CEACAM16: variants seen among roughly 807,000 people sequenced by gnomAD.
CEACAM16 encodes CEA cell adhesion molecule 16, tectorial membrane component.
A neutral mutation model predicts 39.4 loss-of-function variants in CEACAM16; 30 were observed. The ratio of observed to expected loss-of-function variants is 0.76; its 90% CI spans 0.57 to 1.03. The LOEUF (loss-of-function observed/expected upper bound fraction) is 1.03, where lower values mean the gene tolerates loss of function less well. Ranked by LOEUF, CEACAM16 falls within the 50% of genes least tolerant of loss-of-function variation. CEACAM16 has a pLI of 0.00. For missense variants in CEACAM16, 521 were observed against 585.3 expected, an observed-to-expected ratio of 0.89 and a Z score of 1.13; for synonymous variants, 262 against 264.9, an observed-to-expected ratio of 0.99 and a Z score of 0.11.
intron 1 of CEACAM16, among the ~76,000 whole-genome samples, chr19:44,699,666 T>C (rs1351640119): frequency 2.0e-5 from 3 of 152,008 alleles, no homozygotes. Context: ...CATGAGCCAC[T>C]GCGTCCGGCC....
rs370134847 is a variant in CEACAM16 at position 44,708,264 on chromosome 19, A to G, written c.1267+77A>G. The G allele has an allele frequency of 3.3e-4, 454 of 1,370,020 alleles. 15 individuals carry two copies. In the South Asian group the frequency reaches 6.5e-3, roughly 19 times the overall value. 84.9% of individuals were successfully genotyped at this position (1,370,020 alleles called of 1,614,324 possible). On this transcript the variant is annotated intron_variant, in intron 6 of 6. Coordinates refer to ENST00000587331, the MANE Select transcript of CEACAM16 (RefSeq NM_001039213.4). ...AAAAGGAGCCTTTGCTTCCTCCATC[A>G]GGCTGGGGGGACATAGACCAAAGAT...
At chr19:44,705,359 A>G (rs1380446339) in intron 4 of CEACAM16, among the ~76,000 whole-genome samples, 1 of 152,186 alleles carries the variant, frequency 6.6e-6, no homozygotes, top group Non-Finnish European at 1.5e-5. Flanking sequence ...ATACCTTGAA[A>G]TATTATCTTG....
Position 44,701,471 on chromosome 19 carries a change from G to A in CEACAM16, c.15G>A (p.Gly5=), listed in dbSNP as rs781172010. 13 of 1,566,206 alleles carry A rather than the reference G, an allele frequency of 8.3e-6. No homozygotes were observed. The South Asian group carries it at 1.1e-4, about 13-fold the overall frequency. ...TGGGGTGAAAGATGGCGCTGACTGG[G>A]TACAGCTGGCTGCTCCTCAGTGGTG... is the stretch of plus-strand genomic sequence containing the variant. MALT[G]YSWLLLSATF... Residue 5 remains glycine, a synonymous_variant, in exon 2 of 7, where the codon GGG becomes GGA. Transcript: ENST00000587331. This position sits in a 1 kb window ranked among gnomAD's most constrained non-coding sequence, Gnocchi z 4.0.
At chr19:44,705,421 T>C (rs907123767) in intron 4 of CEACAM16, among the ~76,000 whole-genome samples, 169 bp from the exon 5 acceptor site, 1 of 151,948 alleles carries the variant, frequency 6.6e-6, no homozygotes, top group Non-Finnish European at 1.5e-5. Flanking sequence ...TTAGAGGGAG[T>C]GATTCTCAAG....
intron 6 of CEACAM16, among the ~76,000 whole-genome samples, chr19:44,709,326 T>C (rs1415216427): frequency 3.3e-5 from 5 of 149,312 alleles, no homozygotes; most frequent in Middle Eastern, 3.6e-3. Context: ...TCCATCAGAC[T>C]GGGAGCTCCC....
intron 2 of CEACAM16, among the ~76,000 whole-genome samples, chr19:44,702,084 G>A (rs1974356395): frequency 6.6e-6 from 1 of 152,112 alleles, no homozygotes; most frequent in Admixed American, 6.5e-5. Context: ...CCTGAGGTCA[G>A]GAGTTCAAGA....
Position 44,703,376 on chromosome 19 carries a change from T to A in CEACAM16, c.65T>A (p.Ile22Asn). ...ACATTCCTGAATGTGGGGGCCGAGA[T>A]CTCTATCACCCTGGAGCCTGCCCAG... ...SATFLNVGAE[I>N]SITLEPAQPS... Residue 22 changes from isoleucine (I) to asparagine (N), a missense_variant, in exon 3 of 7, where the codon ATC (isoleucine) becomes AAC (asparagine). Transcript: ENST00000587331. 1 of 1,610,706 alleles carries A rather than the reference T, an allele frequency of 6.2e-7. No homozygotes were observed. The highest frequency in any genetic ancestry group is 8.5e-7 in the Non-Finnish European group (1 of 1,177,464).
Position 44,701,320 on chromosome 19 carries a change from C to T in CEACAM16, c.-96-41C>T. The T allele has an allele frequency of 1.1e-6, 1 of 942,042 alleles. No individual in the cohort carries two copies. Among genetic ancestry groups the T allele is most frequent in the East Asian group, 2.6e-5 (1 of 38,140 alleles). The allele number at this position is 942,042 out of a possible 1,614,324, so 58.4% of individuals were successfully genotyped here. A position where few individuals can be genotyped will look rare whatever the true frequency, so the allele number is the denominator to read the frequency against. ...CTTGGTGACTCGATCCCTCCAAATT[C>T]AGGTGATCTCCCCTGGCTCCAAATC... On this transcript the variant is annotated intron_variant, in intron 1 of 6. Transcript: ENST00000587331. This position sits in a 1 kb window ranked among gnomAD's most constrained non-coding sequence, Gnocchi z 4.0.
In CEACAM16 at chr19:44,707,979, G is replaced by A. The variant is rs748843201; in HGVS notation, c.1059G>A (p.Gly353=). ...KDLLVYAWYR[G]PASEPNRLLS... ...TGCTGGTCTACGCCTGGTACCGCGG[G>A]CCTGCCTCCGAGCCCAACCGGCTGC... The change falls in exon 6 of 7, where the codon GGG becomes GGA. Residue 353 remains glycine, a synonymous_variant. Transcript: ENST00000587331. The A allele has an allele frequency of 6.2e-7, 1 of 1,604,730 alleles. No homozygotes were observed. The highest frequency in any genetic ancestry group is 8.5e-7 in the Non-Finnish European group (1 of 1,176,162).
intron 6 of CEACAM16, among the ~76,000 whole-genome samples, chr19:44,709,036 AGCTCCCAGAGTCAAGAT>A (rs1974494562): frequency 6.6e-6 from 1 of 151,964 alleles, no homozygotes; most frequent in South Asian, 2.1e-4. Flanking sequence ...TCAGACTAGG[AGCTCCCAGAGTCAAGAT>A]CCAGGTCTCC....
At chr19:44,703,298 G>A in intron 2 of CEACAM16, 51 bp from the exon 3 acceptor site, 2 of 1,509,834 alleles carry the variant, frequency 1.3e-6, no homozygotes, top group Non-Finnish European at 1.8e-6. Flanking sequence ...TGTCAAATGG[G>A]GCGATTGATC....
At position 44,703,495 on chromosome 19, in the gene CEACAM16, T is replaced by A. The variant is rs571532172; in HGVS notation, c.184T>A (p.Ser62Thr). The A allele has an allele frequency of 1.2e-6, 2 of 1,613,768 alleles. No homozygotes were observed. The highest frequency in any genetic ancestry group is 3.3e-5 in the Admixed American group (2 of 60,014). ...GTATGCGGGGCCCACACTCAGCGTG[T>A]CATACCTGGTGGCCAGCTACATCGT... ...SWYAGPTLSV[S>T]YLVASYIVST... The change falls in exon 3 of 7, where the codon TCA (serine) becomes ACA (threonine). Residue 62 changes from serine (S) to threonine (T), a missense_variant. Coordinates refer to ENST00000587331, the MANE Select transcript of CEACAM16 (RefSeq NM_001039213.4).
In CEACAM16 at chr19:44,701,239, G is replaced by T; in HGVS notation, c.-96-122G>T. On this transcript the variant is annotated intron_variant, in intron 1 of 6. Coordinates refer to ENST00000587331, the MANE Select transcript of CEACAM16 (RefSeq NM_001039213.4). This position sits in a 1 kb window ranked among gnomAD's most constrained non-coding sequence, Gnocchi z 4.0. Reference sequence around the variant, plus strand: ...GCCCCAGGAGGCCTGCCCAGGTCACGGCCTCTGGCCGGTGCCCGCCACACC... The same window carrying T: ...GCCCCAGGAGGCCTGCCCAGGTCACTGCCTCTGGCCGGTGCCCGCCACACC... 1 of 633,532 alleles carries T rather than the reference G, an allele frequency of 1.6e-6. No homozygotes were observed. The highest frequency in any genetic ancestry group is 2.8e-6 in the Non-Finnish European group (1 of 353,540). The allele number at this position is 633,532 out of a possible 1,614,324, so 39.2% of individuals were successfully genotyped here. A position where few individuals can be genotyped will look rare whatever the true frequency, so the allele number is the denominator to read the frequency against.
intron 6 of CEACAM16, among the ~76,000 whole-genome samples, chr19:44,709,551 T>G (rs10403037): frequency 2.6e-4 from 27 of 102,692 alleles, no homozygotes; most frequent in Admixed American, 6.2e-4. Context: ...GCTCCCAGAG[T>G]CAGGGTCTAT....
Position 44,704,039 on chromosome 19 carries a change from T to C in CEACAM16, c.404T>C (p.Val135Ala). ...QVHEILAQPT[V>A]LANSTALVER... Reference sequence around the variant, plus strand: ...ACAGAGATCCTGGCCCAGCCCACAGTCTTGGCCAACAGCACAGCGCTGGTG... The same window carrying C: ...ACAGAGATCCTGGCCCAGCCCACAGCCTTGGCCAACAGCACAGCGCTGGTG... Residue 135 changes from valine (V) to alanine (A), a missense_variant, in exon 4 of 7, where the codon GTC (valine) becomes GCC (alanine). By Grantham distance (64) the Val-to-Ala change is moderately conservative (BLOSUM62 0). Coordinates refer to ENST00000587331, the MANE Select transcript of CEACAM16 (RefSeq NM_001039213.4). 1 of 1,603,612 alleles carries C rather than the reference T, an allele frequency of 6.2e-7. No individual in the cohort carries two copies. Among genetic ancestry groups the C allele is most frequent in the Non-Finnish European group, 8.5e-7 (1 of 1,173,726 alleles).
intron 1 of CEACAM16, among the ~76,000 whole-genome samples, chr19:44,699,998 A>C (rs1385602590): frequency 6.9e-6 from 1 of 144,208 alleles, no homozygotes; most frequent in Non-Finnish European, 1.5e-5. Context: ...GCTAACTTTT[A>C]TTTTTTGTTT....
In CEACAM16 at chr19:44,701,450, G is replaced by A; in HGVS notation, c.-7G>A. On this transcript the variant is annotated 5_prime_UTR_variant, in exon 2 of 7. It adds an upstream start codon to the 5' untranslated region. Coordinates refer to ENST00000587331, the MANE Select transcript of CEACAM16 (RefSeq NM_001039213.4). This position sits in a 1 kb window ranked among gnomAD's most constrained non-coding sequence, Gnocchi z 4.0. ...CACCATCTCCAAGACTCGGTTTGGG[G>A]TGAAAGATGGCGCTGACTGGGTACA... 1 of 1,562,864 alleles carries A rather than the reference G, an allele frequency of 6.4e-7. No homozygotes were observed.
intron 2 of CEACAM16, among the ~76,000 whole-genome samples, chr19:44,702,580 C>T (rs868181574): frequency 2.4e-4 from 37 of 152,270 alleles, no homozygotes; most frequent in Admixed American, 6.5e-5. Context: ...CAAGCAGCCC[C>T]GACCAGCTCA....
rs1974521861 is a variant in CEACAM16, at chr19:44,710,584, C to T, written c.*78C>T. The stretch of plus-strand genomic sequence containing the variant: ...GTCCTCGCCCTCTGAGTGGGAACCA[C>T]TCCCCCACAGCGAGGATGCCAGGCT... On this transcript the variant is annotated 3_prime_UTR_variant, in exon 7 of 7. Transcript: ENST00000587331. 1 of 1,586,662 alleles carries T rather than the reference C, an allele frequency of 6.3e-7. No homozygotes were observed. Among genetic ancestry groups the T allele is most frequent in the Non-Finnish European group, 8.7e-7 (1 of 1,155,510 alleles).
Sources: gnomAD v4.1 joint callset for allele counts (sites outside exome capture counted in the v4.1 genomes callset) on GRCh38, gnomAD v4.1.1 for gene constraint, Gnocchi (gnomAD v3.1) non-coding constraint, MANE v1.5 for transcripts, NCBI Gene and HGNC (gene_info 2026-07-23, HGNC 2026-07-21) for gene names.